The following TAF4B variants were observed in gnomAD, a reference collection of about 807,000 sequenced individuals.
TAF4B encodes the protein TATA-box binding protein associated factor 4b.
A neutral mutation model predicts 86.4 loss-of-function variants in TAF4B; 38 were observed. The observed-to-expected ratio is 0.44, with a 90% CI of 0.34 to 0.58. The LOEUF (loss-of-function observed/expected upper bound fraction) is 0.58, where lower values mean the gene tolerates loss of function less well. TAF4B is among the 20% of genes least tolerant of loss of function. TAF4B has a pLI of 0.02. For missense variants in TAF4B, 988 were observed against 1,027.6 expected, an observed-to-expected ratio of 0.96 and a Z score of 0.53; for synonymous variants, 388 against 391.2, an observed-to-expected ratio of 0.99 and a Z score of 0.10.
intron 13 of TAF4B, among the ~76,000 whole-genome samples, chr18:26,342,288 G>A (rs528157087): frequency 9.0e-4 from 137 of 152,080 alleles, no homozygotes; most frequent in African/African-American, 3.1e-3. Context: ...CTTTCCTTAA[G>A]CATGAGAAAG....
chr18:26,292,839 C>G (rs2144612905), intron 8 of TAF4B, among the ~76,000 whole-genome samples: 1 of 152,136 alleles, frequency 6.6e-6, no homozygotes, highest in Admixed American at 6.5e-5. Context: ...GATCACATTT[C>G]TTTTTACATA....
At position 26,391,187 on chromosome 18, in the gene TAF4B, G is replaced by A. The variant is rs918465238; in HGVS notation, c.*1175G>A. The A allele has an allele frequency of 1.3e-5, 2 of 150,652 alleles. No homozygotes were observed. The highest frequency in any genetic ancestry group is 4.9e-5 in the African/African-American group (2 of 40,946). The allele number at this position is 150,652 out of a possible 1,614,324, so 9.3% of individuals were successfully genotyped here. A position where few individuals can be genotyped will look rare whatever the true frequency, so the allele number is the denominator to read the frequency against. ...TTATATGTGTTCACCTGAGGAAGAA[G>A]CTGACGGACAAAGCAAACCCTCTTT... On this transcript the variant is annotated 3_prime_UTR_variant, in exon 15 of 15. Coordinates refer to ENST00000269142, the MANE Select transcript of TAF4B (RefSeq NM_005640.3).
chr18:26,304,490 A>T lies in TAF4B; in HGVS notation c.1833-10739A>T, dbSNP rs556685310. Among the ~76,000 whole-genome samples, 10 of 152,326 alleles carry T rather than the reference A, an allele frequency of 6.6e-5. 1 individual carries two copies. The South Asian group carries it at 2.1e-3, about 32-fold the overall frequency. The stretch of plus-strand genomic sequence containing the variant: ...TAAAAAATGTAGTCAATAAATCTAA[A>T]ACTTTGTGGGACAGGTAAATCAGAT... On this transcript the variant is annotated intron_variant, in intron 9 of 14. Transcript: ENST00000269142.
intron 5 of TAF4B, among the ~76,000 whole-genome samples, chr18:26,277,858 A>G (rs1042559174): frequency 2.6e-5 from 4 of 152,238 alleles, no homozygotes. Flanking sequence ...TAACATGCTC[A>G]TTAAATTCAC....
At chr18:26,315,145 TGTCTCTCTCTCTCTCTCA>T (rs1483159770) in intron 9 of TAF4B, 66 bp from the exon 10 acceptor site, 27 of 160,658 alleles carry the variant, frequency 1.7e-4, no homozygotes, top group East Asian at 5.7e-4. Flanking sequence ...TCTCTCTCTC[TGTCTCTCTCTCTCTCTCA>T]CACACACACA....
chr18:26,343,817 C>A (rs964728128), intron 13 of TAF4B, among the ~76,000 whole-genome samples: 13 of 152,212 alleles, frequency 8.5e-5, no homozygotes, highest in Middle Eastern at 6.8e-3. Context: ...ACCTCGGCAT[C>A]CTGGAATCAA....
At chr18:26,256,629 T>A (rs557189850) in intron 1 of TAF4B, among the ~76,000 whole-genome samples, 1 of 152,262 alleles carries the variant, frequency 6.6e-6, no homozygotes, top group African/African-American at 2.4e-5. Context: ...TCTTCCTTTT[T>A]AAGACAGGCA....
chr18:26,283,203 C>T (rs1334825710), intron 6 of TAF4B, among the ~76,000 whole-genome samples: 1 of 152,086 alleles, frequency 6.6e-6, no homozygotes, highest in Non-Finnish European at 1.5e-5. Context: ...TTGACTTTGC[C>T]CCCGGATTCA....
At chr18:26,279,294 G>GT in intron 5 of TAF4B, among the ~76,000 whole-genome samples, 1 of 152,142 alleles carries the variant, frequency 6.6e-6, no homozygotes, top group South Asian at 2.1e-4. Context: ...CAAAAATGAA[G>GT]TACCTAGGAA....
chr18:26,264,521 G>A (rs925961864), intron 1 of TAF4B, among the ~76,000 whole-genome samples: 5 of 152,200 alleles, frequency 3.3e-5, no homozygotes, highest in African/African-American at 1.2e-4. Flanking sequence ...ATAGAGTGTG[G>A]TTTATGTTAT....
chr18:26,341,899 T>G, intron 13 of TAF4B, among the ~76,000 whole-genome samples: 1 of 152,232 alleles, frequency 6.6e-6, no homozygotes, highest in South Asian at 2.1e-4. Context: ...TTTAGTAGTT[T>G]TTTTTTCCTG....
At chr18:26,338,309 T>G (rs12960731) in intron 13 of TAF4B, among the ~76,000 whole-genome samples, 1 of 151,536 alleles carries the variant, frequency 6.6e-6, no homozygotes, top group East Asian at 2.0e-4. Context: ...ATTAGCTGAG[T>G]GTGGTGGTGC....
At position 26,389,764 on chromosome 18, in the gene TAF4B, G is replaced by A. The variant is rs1978596847; in HGVS notation, c.2422-81G>A. 4.8e-6 allele frequency: 7 copies of A among 1,450,408 alleles called. No individual in the cohort carries two copies. The South Asian group carries it at 9.3e-5, about 19-fold the overall frequency. 89.8% of individuals were successfully genotyped at this position (1,450,408 alleles called of 1,614,324 possible). A position where few individuals can be genotyped will look rare whatever the true frequency, so the allele number is the denominator to read the frequency against. On this transcript the variant is annotated intron_variant, in intron 14 of 14. Transcript: ENST00000269142. ...TAACCCAGTGACCAGAGGGTAGTGG[G>A]CTCTGACATGCTAGAATTGACAGGC...
intron 9 of TAF4B, among the ~76,000 whole-genome samples, chr18:26,293,850 T>C (rs1201553732): frequency 6.6e-6 from 1 of 152,196 alleles, no homozygotes; most frequent in Non-Finnish European, 1.5e-5. Context: ...TCCATCACGA[T>C]AGATCATTTT....
chr18:26,238,333 C>T (rs1399426305), intron 1 of TAF4B, among the ~76,000 whole-genome samples: 1 of 152,076 alleles, frequency 6.6e-6, no homozygotes, highest in Admixed American at 6.6e-5. Flanking sequence ...AAGAGTGATG[C>T]CTTTTGTCCT....
chr18:26,355,264 T>C (rs1381198786), intron 13 of TAF4B, among the ~76,000 whole-genome samples: 1 of 152,188 alleles, frequency 6.6e-6, no homozygotes, highest in Non-Finnish European at 1.5e-5. Flanking sequence ...TTATCAGTCT[T>C]AGGAGGATTT....
intron 1 of TAF4B, among the ~76,000 whole-genome samples, chr18:26,244,634 C>T (rs1394703824): frequency 1.3e-5 from 2 of 152,222 alleles, no homozygotes; most frequent in Non-Finnish European, 2.9e-5. Context: ...ATGCAGCAAT[C>T]ACCGGTCTTC....
intron 9 of TAF4B, chr18:26,295,086 T>G (rs1233069572): frequency 5.9e-6 from 1 of 170,772 alleles, no homozygotes; most frequent in Non-Finnish European, 1.2e-5. Flanking sequence ...ATATATATAT[T>G]AAATATATAT....
chr18:26,269,217 G>A (rs2056281938), intron 3 of TAF4B, among the ~76,000 whole-genome samples: 1 of 135,322 alleles, frequency 7.4e-6, no homozygotes, highest in African/African-American at 2.5e-5. Context: ...GAAACACAAA[G>A]TCCTCCAGTG....
Sources: gnomAD v4.1 joint callset for allele counts (sites outside exome capture counted in the v4.1 genomes callset) on GRCh38, gnomAD v4.1.1 for gene constraint, MANE v1.5 for transcripts, NCBI Gene and HGNC (gene_info 2026-07-23, HGNC 2026-07-21) for gene names.